The following PSD3 variants were observed in gnomAD, a reference collection of about 807,000 sequenced individuals.
PSD3 encodes PH and SEC7 domain-containing protein 3.
Under a neutral mutation model 105.5 loss-of-function variants are expected in PSD3, and 49 were observed. The ratio of observed to expected loss-of-function variants is 0.46; its 90% CI spans 0.37 to 0.59. The LOEUF is 0.59. Ranked by LOEUF, PSD3 falls within the 20% of genes least tolerant of loss-of-function variation. The probability of loss-of-function intolerance (pLI) is 0.00; values close to 1 mark genes in which losing one functional copy is unlikely to be tolerated. For missense variants in PSD3, 1,561 were observed against 1,263.8 expected (o/e 1.24, Z -3.57); for synonymous variants, 557 against 457.8 (o/e 1.22, Z -2.77).
intron 9 of PSD3, among the ~76,000 whole-genome samples, chr8:18,722,838 G>C (rs1002345748): frequency 1.3e-5 from 2 of 152,154 alleles, no homozygotes; most frequent in Non-Finnish European, 2.9e-5. Context: ...CATTACTGGA[G>C]TACAATATGC....
At position 18,685,980 on chromosome 8, in the gene PSD3, T is replaced by A. The variant is rs143965659; in HGVS notation, c.2173-30295A>T. On this transcript the variant is annotated intron_variant, in intron 9 of 15. Coordinates refer to ENST00000327040, the MANE Select transcript of PSD3 (RefSeq NM_015310.4). Reference sequence around the variant, plus strand: ...CATCATAATGAGGAGTTATAAACTATCTCCTGATGAACTTTCTTTTCTCCA... The same window carrying A: ...CATCATAATGAGGAGTTATAAACTAACTCCTGATGAACTTTCTTTTCTCCA... Among the ~76,000 whole-genome samples, 859 of 152,198 alleles carry A rather than the reference T, an allele frequency of 5.6e-3. 5 individuals are homozygous for A. The highest frequency in any genetic ancestry group is 0.019 in the African/African-American group (796 of 41,518).
In PSD3 at chr8:18,936,029, C is replaced by G; in HGVS notation, c.130+5G>C. The G allele has an allele frequency of 6.3e-7, 1 of 1,582,116 alleles. No homozygotes were observed. The highest frequency in any genetic ancestry group is 8.7e-7 in the Non-Finnish European group (1 of 1,151,928). ...CCTGGGAGAGGGATATGAGGAAATACTTACTAGTATCTGGAGCTTTCCCTT... is the reference window on the plus strand; with the variant it reads ...CCTGGGAGAGGGATATGAGGAAATAGTTACTAGTATCTGGAGCTTTCCCTT... On this transcript the variant is annotated splice_donor_5th_base_variant and intron_variant, in intron 2 of 15. Transcript: ENST00000327040.
intron 9 of PSD3, among the ~76,000 whole-genome samples, chr8:18,736,217 A>G (rs985934165): frequency 6.6e-6 from 1 of 152,216 alleles, no homozygotes; most frequent in Non-Finnish European, 1.5e-5. Flanking sequence ...ATATTATCCA[A>G]TCAACACTCT....
At chr8:18,829,743 G>A (rs1481191022) in intron 4 of PSD3, among the ~76,000 whole-genome samples, 1 of 151,962 alleles carries the variant, frequency 6.6e-6, no homozygotes, top group Non-Finnish European at 1.5e-5. Flanking sequence ...GCCTCTAATA[G>A]GGCACTTCTT....
At chr8:18,748,732 T>C (rs1206712131) in intron 9 of PSD3, among the ~76,000 whole-genome samples, 1 of 151,634 alleles carries the variant, frequency 6.6e-6, no homozygotes, top group South Asian at 2.1e-4. Flanking sequence ...AATACGGCAG[T>C]AATGTTTAGA....
At chr8:18,710,092 C>T (rs951831596) in intron 9 of PSD3, among the ~76,000 whole-genome samples, 1 of 152,094 alleles carries the variant, frequency 6.6e-6, no homozygotes, top group African/African-American at 2.4e-5. Flanking sequence ...GGCTAAAAAC[C>T]ATGATGAAAC....
chr8:18,567,140 C>A (rs1373181269), intron 14 of PSD3, among the ~76,000 whole-genome samples: 1 of 152,182 alleles, frequency 6.6e-6, no homozygotes, highest in Non-Finnish European at 1.5e-5. Context: ...TATCAGCCCT[C>A]TTTAGTTCAA....
intron 8 of PSD3, among the ~76,000 whole-genome samples, chr8:18,773,896 T>A (rs1039356317): frequency 2.6e-5 from 4 of 152,212 alleles, no homozygotes; most frequent in African/African-American, 9.6e-5. Flanking sequence ...TAAAAGATCT[T>A]TCCACTTTTA....
intron 2 of PSD3, among the ~76,000 whole-genome samples, chr8:18,880,274 C>G (rs1348629931): frequency 6.6e-6 from 1 of 152,134 alleles, no homozygotes; most frequent in East Asian, 1.9e-4. Context: ...TTAGATACTT[C>G]CTATTAAATG....
At chr8:18,789,616 A>G (rs1474298068) in intron 8 of PSD3, among the ~76,000 whole-genome samples, 1 of 152,218 alleles carries the variant, frequency 6.6e-6, no homozygotes, top group Non-Finnish European at 1.5e-5. Context: ...TCAGACTTCT[A>G]TTGATATTTC....
intron 4 of PSD3, chr8:18,865,267 TATATATATATATATATATA>T (rs1179347156): frequency 0.07 from 403 of 5,720 alleles, 35 homozygotes; most frequent in Non-Finnish European, 0.078. Flanking sequence ...TATATATATA[TATATATATATATATATATA>T]TTTTTTTTTT....
chr8:18,810,641 T>C (rs535773297), intron 4 of PSD3, among the ~76,000 whole-genome samples: 3 of 152,294 alleles, frequency 2.0e-5, no homozygotes, highest in East Asian at 1.9e-4. Context: ...CCTGTATTTA[T>C]AAAGTGTACC....
At chr8:18,833,724 T>C (rs764635143) in intron 4 of PSD3, among the ~76,000 whole-genome samples, 8 of 152,140 alleles carry the variant, frequency 5.3e-5, no homozygotes, top group Non-Finnish European at 8.8e-5. Context: ...ATGTGCTACC[T>C]GCCATTACAA....
intron 9 of PSD3, among the ~76,000 whole-genome samples, chr8:18,684,919 A>G (rs1800581381): frequency 6.6e-6 from 1 of 152,168 alleles, no homozygotes; most frequent in Non-Finnish European, 1.5e-5. Context: ...AGAAAACAAG[A>G]CCATTTTAGC....
intron 12 of PSD3, among the ~76,000 whole-genome samples, chr8:18,596,774 C>A (rs566226044): frequency 6.6e-6 from 1 of 151,956 alleles, no homozygotes; most frequent in Admixed American, 6.6e-5. Flanking sequence ...AGATGAATTA[C>A]GGAGAGGTAG....
intron 10 of PSD3, among the ~76,000 whole-genome samples, chr8:18,638,919 T>C (rs781188506): frequency 6.6e-5 from 10 of 152,186 alleles, no homozygotes; most frequent in African/African-American, 9.7e-5. Flanking sequence ...TAAGGTCAAC[T>C]GGATTTCTGG....
intron 11 of PSD3, among the ~76,000 whole-genome samples, chr8:18,616,327 G>C (rs1008811181): frequency 6.6e-6 from 1 of 152,170 alleles, no homozygotes; most frequent in Non-Finnish European, 1.5e-5. Context: ...ACATATTTTT[G>C]AGATGGCCTT....
chr8:18,839,661 T>C (rs1391983012), intron 4 of PSD3, among the ~76,000 whole-genome samples: 2 of 152,128 alleles, frequency 1.3e-5, no homozygotes, highest in East Asian at 1.9e-4. Context: ...GCAGCTCCAG[T>C]AGTTATAGAA....
intron 9 of PSD3, among the ~76,000 whole-genome samples, chr8:18,701,503 T>G (rs17127068): frequency 0.079 from 12,021 of 152,156 alleles, 1,474 homozygotes; most frequent in African/African-American, 0.26. Context: ...AATGGAACAA[T>G]CACATCGTTT....
Sources: gnomAD v4.1 joint callset for allele counts (sites outside exome capture counted in the v4.1 genomes callset) on GRCh38, gnomAD v4.1.1 for gene constraint, MANE v1.5 for transcripts, NCBI Gene and HGNC (gene_info 2026-07-23, HGNC 2026-07-21) for gene names.